Variants in THAP10 observed in about 807,000 individuals in gnomAD.
The protein encoded by THAP10 is THAP domain-containing protein 10.
A neutral mutation model predicts 15.7 loss-of-function variants in THAP10; 10 were observed. That is an observed-to-expected ratio of 0.64 (90% CI 0.39 to 1.08). The LOEUF (loss-of-function observed/expected upper bound fraction) is 1.08, where lower values mean the gene tolerates loss of function less well. Ranked by LOEUF, THAP10 falls within the 50% of genes least tolerant of loss-of-function variation. The pLI is 0.01. For missense variants in THAP10, 310 were observed against 330.9 expected, an observed-to-expected ratio of 0.94 and a Z score of 0.49; for synonymous variants, 127 against 129.1, an observed-to-expected ratio of 0.98 and a Z score of 0.11.
intron 1 of THAP10, among the ~76,000 whole-genome samples, chr15:70,883,392 C>T (rs1288961254): frequency 1.3e-5 from 2 of 152,048 alleles, no homozygotes; most frequent in Non-Finnish European, 2.9e-5. Context: ...CAGGGTTTCA[C>T]CATGTTAGCC....
At chr15:70,889,330 G>A (rs2033491617) in intron 1 of THAP10, among the ~76,000 whole-genome samples, 1 of 151,978 alleles carries the variant, frequency 6.6e-6, no homozygotes, top group Non-Finnish European at 1.5e-5. Context: ...ACAGAAAATG[G>A]CTACAGTATG....
Position 70,891,896 on chromosome 15 carries a change from C to G in THAP10, c.377G>C (p.Gly126Ala). 1 of 1,612,826 alleles carries G rather than the reference C, an allele frequency of 6.2e-7. No homozygotes were observed. The highest frequency in any genetic ancestry group is 8.5e-7 in the Non-Finnish European group (1 of 1,179,738). The change falls in exon 1 of 3, where the codon GGT (glycine) becomes GCT (alanine). Residue 126 changes from glycine to alanine, a missense_variant. Coordinates refer to ENST00000249861, the MANE Select transcript of THAP10 (RefSeq NM_020147.4). ...QAARHSEAAP[G>A]PVSCTRPRAG... ...TCGGGGGCGTGTACAGGAGACTGGA[C>G]CTGGGGCAGCCTCAGAATGCCTGGC...
chr15:70,885,895 A>G (rs946918370), intron 1 of THAP10, among the ~76,000 whole-genome samples: 16 of 152,206 alleles, frequency 1.1e-4, no homozygotes, highest in Admixed American at 8.5e-4. Context: ...ATTCATCTCA[A>G]GTACATATGG....
At chr15:70,883,414 G>A (rs2033319430) in intron 1 of THAP10, among the ~76,000 whole-genome samples, 2 of 151,814 alleles carry the variant, frequency 1.3e-5, no homozygotes, top group African/African-American at 2.4e-5. Context: ...GGCTGGTCTC[G>A]AACTCCTAAC....
In THAP10 at chr15:70,882,216, C is replaced by G; in HGVS notation, c.*238G>C. 5.2e-6 allele frequency: 2 copies of G among 387,094 alleles called. No individual in the cohort carries two copies. The highest frequency in any genetic ancestry group is 8.2e-5 in the East Asian group (2 of 24,514). 24.0% of individuals were successfully genotyped at this position (387,094 alleles called of 1,614,324 possible). A position where few individuals can be genotyped will look rare whatever the true frequency, so the allele number is the denominator to read the frequency against. On this transcript the variant is annotated 3_prime_UTR_variant, in exon 3 of 3. Coordinates refer to ENST00000249861, the MANE Select transcript of THAP10 (RefSeq NM_020147.4). ...GTGGTTTTGCTTTGTAACCTGATTTCTACCAAAAGGATTAAAAGAAAAAAA... is the reference window on the plus strand; with the variant it reads ...GTGGTTTTGCTTTGTAACCTGATTTGTACCAAAAGGATTAAAAGAAAAAAA...
rs971183661 is a variant in THAP10, at chr15:70,891,987, C to A, written c.286G>T (p.Ala96Ser). 6 of 1,613,260 alleles carry A rather than the reference C, an allele frequency of 3.7e-6. No individual in the cohort carries two copies. Among genetic ancestry groups the A allele is most frequent in the Non-Finnish European group, 5.1e-6 (6 of 1,179,704 alleles). Reference sequence around the variant, plus strand: ...TCTCCCTCCTCTCCCCTCTTAGGTGCCGGGGCGGGCACCCGGTGCAGGGTG... The same window carrying A: ...TCTCCCTCCTCTCCCCTCTTAGGTGACGGGGCGGGCACCCGGTGCAGGGTG... ...VPTLHRVPAPAPKRGEEGDQA... is the reference protein window; with the variant it reads ...VPTLHRVPAPSPKRGEEGDQA... Residue 96 changes from alanine to serine, a missense_variant, in exon 1 of 3, where the codon GCA (alanine) becomes TCA (serine). Physicochemically the swap from Ala to Ser is moderately conservative, Grantham distance 99. Transcript: ENST00000249861.
In THAP10 at chr15:70,884,505, G is replaced by A. The variant is rs187626365; in HGVS notation, c.430-1597C>T. On this transcript the variant is annotated intron_variant, in intron 1 of 2. Transcript: ENST00000249861. ...ACTGCACTCCAGCCTGGGCGACAGA[G>A]TGAGGCTCTGTTTCAAACACACACA... is the stretch of plus-strand genomic sequence containing the variant. Among the ~76,000 whole-genome samples, 221 of 151,926 alleles carry A rather than the reference G, an allele frequency of 1.5e-3. 1 individual carries two copies. The highest frequency in any genetic ancestry group is 2.1e-3 in the Admixed American group (32 of 15,274).
intron 1 of THAP10, among the ~76,000 whole-genome samples, chr15:70,887,840 CTA>C (rs2033451541): frequency 6.6e-6 from 1 of 152,182 alleles, no homozygotes; most frequent in East Asian, 1.9e-4. Context: ...AATTTATAAA[CTA>C]TTGAAATTAA....
Position 70,882,443 on chromosome 15 carries a change from A to G in THAP10, c.*11T>C, listed in dbSNP as rs900243836. 5 of 1,598,154 alleles carry G rather than the reference A, an allele frequency of 3.1e-6. No homozygotes were observed. In the South Asian group the frequency reaches 4.5e-5, roughly 14 times the overall value. On this transcript the variant is annotated 3_prime_UTR_variant, in exon 3 of 3. Coordinates refer to ENST00000249861, the MANE Select transcript of THAP10 (RefSeq NM_020147.4). ...AATCTATAGCACATCAGAGCATTTGATGTTGAGTTTTTAACATGTTTCTTC... is the reference window on the plus strand; with the variant it reads ...AATCTATAGCACATCAGAGCATTTGGTGTTGAGTTTTTAACATGTTTCTTC...
At chr15:70,889,007 A>G in intron 1 of THAP10, among the ~76,000 whole-genome samples, 1 of 152,200 alleles carries the variant, frequency 6.6e-6, no homozygotes, top group East Asian at 1.9e-4. Flanking sequence ...TAGAAGTGTA[A>G]ATTGGTACAA....
In THAP10 at chr15:70,892,240, G is replaced by C. The variant is rs1567038369; in HGVS notation, c.33C>G (p.Gly11=). The C allele has an allele frequency of 6.3e-7, 1 of 1,584,124 alleles. No homozygotes were observed. The highest frequency in any genetic ancestry group is 8.6e-7 in the Non-Finnish European group (1 of 1,164,338). ...GCGACTTCCCAGACTTGGTGGTGTT[G>C]CCGCAGTGGGCGGCCACACAACGGG... The part of the protein sequence containing the change: MPARCVAAHC[G]NTTKSGKSLF... The change falls in exon 1 of 3, where the codon GGC becomes GGG. Residue 11 remains glycine (G), a synonymous_variant. Coordinates refer to ENST00000249861, the MANE Select transcript of THAP10 (RefSeq NM_020147.4).
chr15:70,887,496 AT>A (rs1359102338), intron 1 of THAP10, among the ~76,000 whole-genome samples: 1 of 152,222 alleles, frequency 6.6e-6, no homozygotes, highest in African/African-American at 2.4e-5. Flanking sequence ...AATTTACTAT[AT>A]TAACATAATA....
At chr15:70,889,444 CTAGCAATGTTCTGT>C (rs1203199994) in intron 1 of THAP10, among the ~76,000 whole-genome samples, 17 of 152,018 alleles carry the variant, frequency 1.1e-4, no homozygotes, top group African/African-American at 4.1e-4. Flanking sequence ...TCCTGGGGTG[CTAGCAATGTTCTGT>C]TTCTTTGACT....
intron 1 of THAP10, among the ~76,000 whole-genome samples, chr15:70,890,420 T>A (rs1003534197): frequency 1.3e-5 from 2 of 152,220 alleles, no homozygotes; most frequent in East Asian, 3.8e-4. Flanking sequence ...TTTGTTCTTA[T>A]AGTCATGTAA....
In THAP10 at chr15:70,892,229, TTGG is replaced by T. The variant is rs1439284172; in HGVS notation, c.41_43del (p.Thr14del). On this transcript the variant is annotated inframe_deletion, in exon 1 of 3. Coordinates refer to ENST00000249861, the MANE Select transcript of THAP10 (RefSeq NM_020147.4). Reference sequence around the variant, plus strand: ...AAAGCGGAACAGCGACTTCCCAGACTTGGTGGTGTTGCCGCAGTGGGCGGCCAC... The same window carrying T: ...AAAGCGGAACAGCGACTTCCCAGACTTGGTGTTGCCGCAGTGGGCGGCCAC... 4.4e-6 allele frequency: 7 copies of T among 1,591,178 alleles called. No individual in the cohort carries two copies. The highest frequency in any genetic ancestry group is 6.0e-6 in the Non-Finnish European group (7 of 1,168,124).
Position 70,882,574 on chromosome 15 carries a change from T to C in THAP10, c.654A>G (p.Arg218=). ...AGTAAATGTCAAAGAGAGAGGAAGT[T>C]CTAGACCACAATTCCTCTGTCTGAG... The part of the protein sequence containing the change: ...ATTQTEELWS[R]TSSLFDIYSS... The change falls in exon 3 of 3, where the codon AGA becomes AGG. Residue 218 remains arginine (R), a synonymous_variant. Transcript: ENST00000249861. 2 of 1,613,786 alleles carry C rather than the reference T, an allele frequency of 1.2e-6. No individual in the cohort carries two copies. The highest frequency in any genetic ancestry group is 2.2e-5 in the South Asian group (2 of 91,074).
chr15:70,891,867 C>G lies in THAP10; in HGVS notation c.406G>C (p.Gly136Arg), dbSNP rs569176627. The G allele has an allele frequency of 2.5e-5, 40 of 1,602,958 alleles. No homozygotes were observed. The East Asian group carries it at 8.3e-4, about 33-fold the overall frequency. The change falls in exon 1 of 3, where the codon GGG (glycine) becomes CGG (arginine). Residue 136 changes from glycine to arginine, a missense_variant. By Grantham distance (125) the Gly-to-Arg change is moderately radical. Coordinates refer to ENST00000249861, the MANE Select transcript of THAP10 (RefSeq NM_020147.4). Reference sequence around the variant, plus strand: ...ACCTGTGAAGCTGCAGCCTGCTTCCCAGCTCGGGGGCGTGTACAGGAGACT... The same window carrying G: ...ACCTGTGAAGCTGCAGCCTGCTTCCGAGCTCGGGGGCGTGTACAGGAGACT... ...GPVSCTRPRA[G>R]KQAAASQITC...
At chr15:70,891,598 T>C (rs113374239) in intron 1 of THAP10, among the ~76,000 whole-genome samples, 43 of 150,608 alleles carry the variant, frequency 2.9e-4, no homozygotes, top group African/African-American at 9.8e-4. Flanking sequence ...TGTGTGTGTG[T>C]GTGTGTGTGT....
At chr15:70,890,515 T>C (rs887054745) in intron 1 of THAP10, among the ~76,000 whole-genome samples, 2 of 152,232 alleles carry the variant, frequency 1.3e-5, no homozygotes, top group Non-Finnish European at 2.9e-5. Flanking sequence ...AAATCAGACA[T>C]GATCCTAGCT....
Sources: allele counts gnomAD v4.1 joint callset (sites outside exome capture counted in the v4.1 genomes callset), GRCh38; gene constraint gnomAD v4.1.1; transcripts MANE v1.5; gene names NCBI Gene and HGNC (gene_info 2026-07-23, HGNC 2026-07-21).